PTPRN2: variants seen among roughly 807,000 people sequenced by gnomAD.
The protein encoded by PTPRN2 is receptor-type tyrosine-protein phosphatase N2.
In PTPRN2, 74 loss-of-function variants were observed where a neutral mutation model predicts 118.8. The ratio of observed to expected loss-of-function variants is 0.62; its 90% confidence interval spans 0.52 to 0.76. The LOEUF (loss-of-function observed/expected upper bound fraction) is 0.76. PTPRN2 is among the 30% of genes least tolerant of loss of function. The pLI is 0.00. For synonymous variants in PTPRN2, 641 were observed against 608.0 expected (o/e 1.05, Z -0.80); for missense variants, 1,481 against 1,394.4 (o/e 1.06, Z -0.99).
intron 2 of PTPRN2, among the ~76,000 whole-genome samples, chr7:158,352,597 T>C (rs1414773620): frequency 1.3e-5 from 2 of 152,158 alleles, no homozygotes; most frequent in Non-Finnish European, 1.5e-5. Context: ...AGCAGAAGCA[T>C]CGTGCAGCTA....
chr7:158,304,923 G>A (rs1184807191), intron 3 of PTPRN2, among the ~76,000 whole-genome samples: 1 of 152,232 alleles, frequency 6.6e-6, no homozygotes, highest in Non-Finnish European at 1.5e-5. Context: ...CATTTCCCAG[G>A]AGAGACAGCT....
intron 2 of PTPRN2, among the ~76,000 whole-genome samples, chr7:158,336,472 C>A (rs1365700286): frequency 7.6e-6 from 1 of 131,664 alleles, no homozygotes; most frequent in African/African-American, 2.8e-5. Flanking sequence ...CCCACACTCT[C>A]ACCATAAGAG....
At chr7:157,649,628 T>G (rs1183561280) in intron 14 of PTPRN2, among the ~76,000 whole-genome samples, 4 of 67,560 alleles carry the variant, frequency 5.9e-5, no homozygotes, top group Non-Finnish European at 1.3e-4. Context: ...TCCGATCCAT[T>G]CACTGTGCAC....
intron 9 of PTPRN2, among the ~76,000 whole-genome samples, chr7:158,130,953 A>G (rs180811969): frequency 1.3e-5 from 2 of 151,656 alleles, no homozygotes; most frequent in East Asian, 3.9e-4. Context: ...AAACTGACAC[A>G]TCTACCCAAC....
chr7:157,778,954 C>T (rs1803510071), intron 12 of PTPRN2, among the ~76,000 whole-genome samples: 1 of 152,240 alleles, frequency 6.6e-6, no homozygotes, highest in Non-Finnish European at 1.5e-5. Flanking sequence ...CAGTGCTCAG[C>T]TCAAGTCCCA....
intron 3 of PTPRN2, among the ~76,000 whole-genome samples, chr7:158,279,255 T>C (rs1563081380): frequency 6.6e-6 from 1 of 152,190 alleles, no homozygotes; most frequent in South Asian, 2.1e-4. Context: ...GGTTGGTGCA[T>C]TTACAAACCT....
intron 11 of PTPRN2, among the ~76,000 whole-genome samples, chr7:158,063,342 C>T (rs1810505591): frequency 6.6e-6 from 1 of 152,174 alleles, no homozygotes. Flanking sequence ...CCAATCAGCA[C>T]TCAGTGTCTA....
chr7:157,719,693 G>A (rs1799128018), intron 12 of PTPRN2, among the ~76,000 whole-genome samples: 1 of 152,192 alleles, frequency 6.6e-6, no homozygotes, highest in African/African-American at 2.4e-5. Flanking sequence ...CCGGGGGAGT[G>A]GGCTCGGCCC....
intron 11 of PTPRN2, among the ~76,000 whole-genome samples, chr7:158,026,794 C>T (rs889019742): frequency 3.9e-5 from 6 of 152,130 alleles, no homozygotes; most frequent in South Asian, 2.1e-4. Context: ...CCACGTATAC[C>T]GTGACAGGTC....
At chr7:158,029,159 CGCCGGGGGCACGGG>C (rs1807495462) in intron 11 of PTPRN2, 2 of 131,666 alleles carry the variant, frequency 1.5e-5, no homozygotes, top group Non-Finnish European at 3.3e-5. Context: ...CGTATCCACT[CGCCGGGGGCACGGG>C]GTCCGTATCC....
rs755323823 is a variant in PTPRN2 at position 158,192,418 on chromosome 7, C to T, written c.458G>A (p.Arg153His). Residue 153 changes from arginine to histidine, a missense_variant, in exon 5 of 23, where the codon CGC (arginine) becomes CAC (histidine). Transcript: ENST00000389418. ...GGAALANALR[R>H]HLPFLEALSQ... ...CAGGGCCTCCAGGAAGGGCAGGTGG[C>T]GTCGGAGGGCGTTGGCCAGGGCAGC... 8.4e-5 allele frequency: 130 copies of T among 1,543,856 alleles called. No homozygotes were observed. Among genetic ancestry groups the T allele is most frequent in the Non-Finnish European group, 9.8e-5 (113 of 1,155,258 alleles).
In PTPRN2 at chr7:157,845,895, G is replaced by C. The variant is rs1366306846; in HGVS notation, c.1788+52778C>G. 6.6e-6 allele frequency among the ~76,000 whole-genome samples: 1 copy of C among 152,132 alleles called. No individual in the cohort carries two copies. Among genetic ancestry groups the C allele is most frequent in the East Asian group, 1.9e-4 (1 of 5,186 alleles). On this transcript the variant is annotated intron_variant, in intron 12 of 22. Coordinates refer to ENST00000389418, the MANE Select transcript of PTPRN2 (RefSeq NM_002847.5). This position sits in a 1 kb window ranked among gnomAD's most constrained non-coding sequence, Gnocchi z 4.5. ...ACCCCAGGCAGATTAAAGCCTAAAT[G>C]GGGGGAAAAAACCTGTAAATGTTTT...
chr7:158,110,887 G>T lies in PTPRN2; in HGVS notation c.1585C>A (p.Leu529Met), dbSNP rs1321498405. 6.3e-7 allele frequency: 1 copy of T among 1,582,138 alleles called. No homozygotes were observed. The highest frequency in any genetic ancestry group is 1.2e-5 in the South Asian group (1 of 86,718). Residue 529 changes from leucine to methionine, a missense_variant, in exon 10 of 23, where the codon CTG becomes ATG. Leu to Met is a conservative substitution (Grantham distance 15). This residue lies in a region of PTPRN2 where 1,115 missense variants were observed against 994.2 expected (regional missense o/e 1.12). Transcript: ENST00000389418. ...AGGAGGCGGGCGACGTCCTCCACCA[G>T]CCGCCTTCCTTCCTCGGGGCGCAGG... is the stretch of plus-strand genomic sequence containing the variant. The part of the protein sequence containing the change: ...DPLRPEEGRR[L>M]VEDVARLLQV...
chr7:158,063,499 G>A (rs1008525909), intron 11 of PTPRN2, among the ~76,000 whole-genome samples: 15 of 152,314 alleles, frequency 9.8e-5, no homozygotes, highest in African/African-American at 2.2e-4. Context: ...CAGGCTGCCC[G>A]AGCCAGCAGT....
intron 1 of PTPRN2, among the ~76,000 whole-genome samples, chr7:158,549,126 A>C (rs1282080788): frequency 6.6e-6 from 1 of 152,172 alleles, no homozygotes; most frequent in Non-Finnish European, 1.5e-5. Context: ...AGCGGGAAAG[A>C]ATGGGGCTGG....
At chr7:157,738,181 T>C (rs558784432) in intron 12 of PTPRN2, among the ~76,000 whole-genome samples, 17 of 152,348 alleles carry the variant, frequency 1.1e-4, no homozygotes, top group African/African-American at 4.1e-4. Flanking sequence ...TCAACAGGAA[T>C]GTGGCCGTAC....
chr7:157,578,503 G>A (rs1234686090), intron 17 of PTPRN2, among the ~76,000 whole-genome samples: 3 of 152,196 alleles, frequency 2.0e-5, no homozygotes, highest in Non-Finnish European at 2.9e-5. Context: ...CTTGCTGGTG[G>A]CTAGCATCAT....
At chr7:158,034,676 T>C (rs1807972711) in intron 11 of PTPRN2, among the ~76,000 whole-genome samples, 2 of 152,208 alleles carry the variant, frequency 1.3e-5, no homozygotes, top group African/African-American at 4.8e-5. Context: ...GAGGGGCCCA[T>C]GCTAGGCCAA....
At chr7:158,196,191 G>T (rs947174609) in intron 4 of PTPRN2, among the ~76,000 whole-genome samples, 1 of 152,142 alleles carries the variant, frequency 6.6e-6, no homozygotes, top group South Asian at 2.1e-4. Flanking sequence ...TAGACACAAG[G>T]TCATCAGTCA....
Sources: gnomAD v4.1 joint callset for allele counts (sites outside exome capture counted in the v4.1 genomes callset) on GRCh38, gnomAD v4.1.1 for gene constraint, gnomAD v4.1.1 regional missense constraint, Gnocchi (gnomAD v3.1) non-coding constraint, MANE v1.5 for transcripts, NCBI Gene and HGNC (gene_info 2026-07-23, HGNC 2026-07-21) for gene names.